Variants in MCM9 observed in about 807,000 individuals in gnomAD.
The protein encoded by MCM9 is minichromosome maintenance 9 homologous recombination repair factor, also known as DNA helicase MCM9.
MCM9 carries 55 observed loss-of-function variants against 72.8 expected under a neutral mutation model. That is an observed-to-expected ratio of 0.76 (90% CI 0.61 to 0.95). MCM9 has a LOEUF of 0.95. MCM9 is among the 40% of genes least tolerant of loss of function. The pLI, the probability that MCM9 is intolerant of heterozygous loss-of-function variation, is 0.00. For missense variants in MCM9, 1,279 were observed against 1,377.0 expected (o/e 0.93, Z 1.13); for synonymous variants, 480 against 503.4 (o/e 0.95, Z 0.62).
At chr6:118,918,304 A>G (rs1309323687) in intron 5 of MCM9, 2 of 153,888 alleles carry the variant, frequency 1.3e-5, no homozygotes, top group African/African-American at 2.4e-5. Flanking sequence ...AGTGAACCAA[A>G]GAAACAATGA....
At chr6:118,880,984 T>G (rs1027284472) in intron 8 of MCM9, among the ~76,000 whole-genome samples, 1 of 152,180 alleles carries the variant, frequency 6.6e-6, no homozygotes, top group Non-Finnish European at 1.5e-5. Flanking sequence ...ATAAGGTAAT[T>G]TATAAATTAG....
intron 8 of MCM9, chr6:118,894,353 C>A: frequency 6.5e-7 from 1 of 1,532,132 alleles, no homozygotes; most frequent in South Asian, 1.2e-5. Flanking sequence ...AGCGGCCGCG[C>A]GCTGGACTTT....
chr6:118,917,385 G>C (rs1781050305), intron 6 of MCM9, among the ~76,000 whole-genome samples, 176 bp downstream of exon 6: 1 of 152,162 alleles, frequency 6.6e-6, no homozygotes, highest in South Asian at 2.1e-4. Context: ...AAATAGAAGA[G>C]TATGGCAGAA....
chr6:118,885,594 A>G (rs1384749609), intron 8 of MCM9, among the ~76,000 whole-genome samples: 1 of 152,226 alleles, frequency 6.6e-6, no homozygotes, highest in Non-Finnish European at 1.5e-5. Flanking sequence ...CCCTAGAATG[A>G]TACCAACTAC....
In MCM9 at chr6:118,906,740, G is replaced by C. The variant is rs1287957898; in HGVS notation, c.1150+4910C>G. Among the ~76,000 whole-genome samples the C allele has an allele frequency of 3.3e-5, 5 of 152,112 alleles. No homozygotes were observed. The East Asian group carries it at 5.8e-4, about 18-fold the overall frequency. On this transcript the variant is annotated intron_variant, in intron 8 of 13. Coordinates refer to ENST00000619706, the MANE Select transcript of MCM9 (RefSeq NM_017696.3). ...CTTAGTATTTTCTGATTTTTCACTG[G>C]GAACTATAACAGTTTGGTAACTGGT...
intron 8 of MCM9, among the ~76,000 whole-genome samples, chr6:118,876,823 A>T (rs1373077404): frequency 6.6e-6 from 1 of 152,238 alleles, no homozygotes; most frequent in Non-Finnish European, 1.5e-5. Context: ...AACCTCACTG[A>T]AAAACTGAGC....
chr6:118,879,489 G>A (rs186139451), intron 8 of MCM9, among the ~76,000 whole-genome samples: 3 of 150,278 alleles, frequency 2.0e-5, no homozygotes, highest in Non-Finnish European at 4.5e-5. Context: ...AACTTCTAGA[G>A]GATCTATGCA....
intron 8 of MCM9, among the ~76,000 whole-genome samples, chr6:118,896,080 C>T (rs1342434779): frequency 2.7e-5 from 4 of 149,204 alleles, no homozygotes; most frequent in East Asian, 3.9e-4. Flanking sequence ...AGCATAAATG[C>T]ACATACATAT....
chr6:118,836,591 GGTATTTATCCATTTCTTCTAGAT>G (rs1362133678), intron 9 of MCM9, among the ~76,000 whole-genome samples: 3 of 152,096 alleles, frequency 2.0e-5, no homozygotes, highest in Non-Finnish European at 4.4e-5. Flanking sequence ...TATGAGTCTA[GGTATTTATCCATTTCTTCTAGAT>G]TTTCTAGTTT....
Position 118,818,878 on chromosome 6 carries a change from T to A in MCM9, c.1962-2584A>T, listed in dbSNP as rs1583318682. ...AAGTTGTATTCCTAGGTATTTTATTTTCTTTGTAGCAATTGTGAATGGAAG... is the reference window on the plus strand; with the variant it reads ...AAGTTGTATTCCTAGGTATTTTATTATCTTTGTAGCAATTGTGAATGGAAG... On this transcript the variant is annotated intron_variant, in intron 13 of 13. Coordinates refer to ENST00000619706, the MANE Select transcript of MCM9 (RefSeq NM_017696.3). Among the ~76,000 whole-genome samples, 6 of 152,268 alleles carry A rather than the reference T, an allele frequency of 3.9e-5. 1 individual carries two copies. The East Asian group carries it at 1.2e-3, about 29-fold the overall frequency.
intron 8 of MCM9, among the ~76,000 whole-genome samples, chr6:118,878,958 A>G (rs1336685838): frequency 6.6e-6 from 1 of 152,104 alleles, no homozygotes. Flanking sequence ...TGGGTGGTTG[A>G]GTTAGGAGAA....
At position 118,917,575 on chromosome 6, in the gene MCM9, C is replaced by T. The variant is rs1447487868; in HGVS notation, c.890G>A (p.Ser297Asn). The T allele has an allele frequency of 6.2e-7, 1 of 1,614,084 alleles. No homozygotes were observed. The change falls in exon 6 of 14, where the codon AGC becomes AAC. Residue 297 changes from serine (S) to asparagine (N), a missense_variant. Ser to Asn is a conservative substitution (Grantham distance 46). Coordinates refer to ENST00000619706, the MANE Select transcript of MCM9 (RefSeq NM_017696.3). ...TAAACACAAACCTGCAAAGGGATCGCTCTTATAGTATTCCCAAAAATCTTC... is the reference window on the plus strand; with the variant it reads ...TAAACACAAACCTGCAAAGGGATCGTTCTTATAGTATTCCCAAAAATCTTC... Reference protein sequence around the residue: ...EFEDFWEYYKSDPFAGRNVIL... With the variant: ...EFEDFWEYYKNDPFAGRNVIL...
chr6:118,871,813 AG>A (rs1286374811), intron 8 of MCM9, among the ~76,000 whole-genome samples: 5 of 152,136 alleles, frequency 3.3e-5, no homozygotes, highest in African/African-American at 9.7e-5. Flanking sequence ...AGGCTGAGGC[AG>A]GAGAATGGTT....
At chr6:118,903,807 A>C (rs951558911) in intron 8 of MCM9, among the ~76,000 whole-genome samples, 1 of 152,186 alleles carries the variant, frequency 6.6e-6, no homozygotes, top group Non-Finnish European at 1.5e-5. Flanking sequence ...GGATAATCTC[A>C]AATTCCTGGG....
chr6:118,907,328 A>T lies in MCM9; in HGVS notation c.1150+4322T>A, dbSNP rs1365883660. 20 of 1,086,426 alleles carry T rather than the reference A, an allele frequency of 1.8e-5. No homozygotes were observed. The South Asian group carries it at 2.9e-4, about 16-fold the overall frequency. The allele number at this position is 1,086,426 out of a possible 1,614,324, so 67.3% of individuals were successfully genotyped here. On this transcript the variant is annotated intron_variant, in intron 8 of 13. Coordinates refer to ENST00000619706, the MANE Select transcript of MCM9 (RefSeq NM_017696.3). ...TAGGAGTACTAACATGAACCATTTT[A>T]TTAAGCTTCTATTTGTATATGGTGA...
chr6:118,862,959 G>C (rs1776994548), intron 8 of MCM9, among the ~76,000 whole-genome samples: 1 of 152,228 alleles, frequency 6.6e-6, no homozygotes, highest in Non-Finnish European at 1.5e-5. Flanking sequence ...TTTATTACTA[G>C]TAGACCTGCC....
intron 13 of MCM9, among the ~76,000 whole-genome samples, chr6:118,823,356 G>A (rs1050900226): frequency 3.9e-5 from 6 of 152,128 alleles, no homozygotes; most frequent in East Asian, 1.9e-4. Flanking sequence ...GAAGTCCTCC[G>A]GGTCCTTGTA....
chr6:118,934,096 A>C (rs74834378), intron 1 of MCM9, among the ~76,000 whole-genome samples: 2,940 of 152,290 alleles, frequency 0.019, 103 homozygotes, highest in African/African-American at 0.068. Flanking sequence ...AGGCAGGAAA[A>C]GGGCAGCAGC....
chr6:118,827,132 A>G (rs942277129), intron 11 of MCM9, among the ~76,000 whole-genome samples: 2 of 152,222 alleles, frequency 1.3e-5, no homozygotes, highest in African/African-American at 2.4e-5. Flanking sequence ...ATATAAACAT[A>G]CATTTAATAT....
Sources: allele counts gnomAD v4.1 joint callset (sites outside exome capture counted in the v4.1 genomes callset), GRCh38; gene constraint gnomAD v4.1.1; transcripts MANE v1.5; gene names NCBI Gene and HGNC (gene_info 2026-07-23, HGNC 2026-07-21).